The following COL6A5 variants were observed in gnomAD, a reference collection of about 807,000 sequenced individuals.
COL6A5 encodes the protein collagen alpha-5(VI) chain.
Under a neutral mutation model 65.6 loss-of-function variants are expected in COL6A5, and 48 were observed. The ratio of observed to expected loss-of-function variants is 0.73; its 90% confidence interval spans 0.58 to 0.93. COL6A5 has a LOEUF of 0.93. Among genes scored for constraint, COL6A5 ranks in the 40% least tolerant of loss-of-function variants. COL6A5 has a pLI of 0.00. For synonymous variants in COL6A5, 291 were observed against 322.8 expected, an observed-to-expected ratio of 0.90 and a Z score of 1.05; for missense variants, 914 against 928.3, an observed-to-expected ratio of 0.98 and a Z score of 0.20.
chr3:130,399,843 C>G (rs1425682412), intron 10 of COL6A5, among the ~76,000 whole-genome samples: 3 of 152,102 alleles, frequency 2.0e-5, no homozygotes, highest in Admixed American at 1.3e-4. Flanking sequence ...ACCTCTGCCT[C>G]CCAGGTTCAA....
At chr3:130,376,950 G>A (rs1935807169) in intron 3 of COL6A5, 114 bp downstream of exon 3, 1 of 1,213,968 alleles carries the variant, frequency 8.2e-7, no homozygotes, top group African/African-American at 1.5e-5. Context: ...TTGAAGTATT[G>A]GAAACTTCTA....
chr3:130,413,113 C>T (rs930541312), intron 20 of COL6A5, among the ~76,000 whole-genome samples: 20 of 152,066 alleles, frequency 1.3e-4, no homozygotes, highest in Admixed American at 2.0e-4. Context: ...TCCCATTTGG[C>T]TACCCTCTGG....
intron 25 of COL6A5, among the ~76,000 whole-genome samples, chr3:130,420,133 GA>G (rs1314267341): frequency 1.4e-5 from 1 of 72,316 alleles, no homozygotes; most frequent in African/African-American, 3.3e-5. Flanking sequence ...AATCTAAAAG[GA>G]AAGGAAGAAA....
upstream of COL6A5, among the ~76,000 whole-genome samples, chr3:130,430,440 T>C (rs1353278959): frequency 6.6e-6 from 1 of 152,168 alleles, no homozygotes; most frequent in Non-Finnish European, 1.5e-5. Flanking sequence ...TTGAGTGTAA[T>C]ATGCTTTGGG....
chr3:130,415,755 T>C (rs1304791969), intron 23 of COL6A5, 48 bp downstream of exon 23: 2 of 1,412,270 alleles, frequency 1.4e-6, no homozygotes, highest in Admixed American at 5.3e-5. Flanking sequence ...ACAGTTATTT[T>C]CCTCTTAGTG....
At chr3:130,433,311 C>T (rs549779236) in intron 1 of COL6A5, among the ~76,000 whole-genome samples, 1 of 152,304 alleles carries the variant, frequency 6.6e-6, no homozygotes, top group Non-Finnish European at 1.5e-5. Context: ...CTTAATAAGA[C>T]ATCAAATTTA....
intron 1 of COL6A5, among the ~76,000 whole-genome samples, chr3:130,367,912 C>T (rs541671785): frequency 7.2e-5 from 11 of 152,204 alleles, no homozygotes; most frequent in African/African-American, 1.7e-4. Flanking sequence ...AAGCTTCATG[C>T]GTCATGATTG....
At chr3:130,442,958 GAAC>G (rs1214247775) in intron 3 of COL6A5, among the ~76,000 whole-genome samples, 6 of 152,076 alleles carry the variant, frequency 3.9e-5, no homozygotes, top group Non-Finnish European at 8.8e-5. Context: ...AAAATTTATA[GAAC>G]AACATCAGGA....
At chr3:130,441,846 A>C (rs1337010435) in intron 3 of COL6A5, among the ~76,000 whole-genome samples, 2 of 152,182 alleles carry the variant, frequency 1.3e-5, no homozygotes. Context: ...GTTGAGAAAC[A>C]CTTCTCCATA....
chr3:130,413,422 G>A (rs1559888711), intron 20 of COL6A5, 123 bp from the exon 21 acceptor site: 3 of 891,436 alleles, frequency 3.4e-6, no homozygotes, highest in East Asian at 2.7e-5. Context: ...AATGCCTCAG[G>A]GAAACTGTTT....
chr3:130,435,034 T>A lies in COL6A5; in HGVS notation c.487+3085T>A, dbSNP rs553796446. 3.9e-5 allele frequency among the ~76,000 whole-genome samples: 6 copies of A among 152,348 alleles called. No individual in the cohort carries two copies. The East Asian group carries it at 1.2e-3, about 29-fold the overall frequency. ...TTGCCCATGCCTATGTCCTGAATGG[T>A]ATTGCATAGGTTTTCTTCTAGGGTT... On this transcript the variant is annotated intron_variant, in intron 1 of 7. Transcript: ENST00000512836.
At chr3:130,350,189 G>A (rs1934649176) in intron 1 of COL6A5, among the ~76,000 whole-genome samples, 1 of 152,176 alleles carries the variant, frequency 6.6e-6, no homozygotes, top group Non-Finnish European at 1.5e-5. Flanking sequence ...GTATCAGAAT[G>A]TTGGATAGGC....
At chr3:130,471,610 G>A (rs1709953639) in intron 7 of COL6A5, 72 bp from the exon 40 acceptor site, 3 of 1,330,922 alleles carry the variant, frequency 2.3e-6, no homozygotes, top group South Asian at 2.8e-5. Context: ...TATATTATCT[G>A]GTGGTATTCA....
At chr3:130,348,106 T>G (rs138359586) in intron 1 of COL6A5, among the ~76,000 whole-genome samples, 19 of 152,284 alleles carry the variant, frequency 1.2e-4, no homozygotes, top group Middle Eastern at 6.8e-3. Context: ...GGAACCATTC[T>G]TTTTTATTTT....
chr3:130,348,186 A>G (rs1276842866), intron 1 of COL6A5, among the ~76,000 whole-genome samples: 2 of 152,188 alleles, frequency 1.3e-5, no homozygotes, highest in Admixed American at 6.5e-5. Context: ...TACATGTGCC[A>G]TGGTGGTTTA....
chr3:130,366,650 A>G (rs1935351819), intron 1 of COL6A5, among the ~76,000 whole-genome samples: 1 of 152,212 alleles, frequency 6.6e-6, no homozygotes, highest in Non-Finnish European at 1.5e-5. Context: ...GGGCTTTTGT[A>G]TATTTCCTTT....
At chr3:130,436,730 T>C (rs144476766) in intron 1 of COL6A5, among the ~76,000 whole-genome samples, 177 of 152,292 alleles carry the variant, frequency 1.2e-3, no homozygotes, top group African/African-American at 4.1e-3. Context: ...TTCCTGGTTT[T>C]TCTCTTACCT....
intron 6 of COL6A5, 119 bp from the exon 39 acceptor site, chr3:130,470,752 T>C: frequency 1.5e-6 from 1 of 676,628 alleles, no homozygotes; most frequent in Non-Finnish European, 2.6e-6. Flanking sequence ...TTTTGTGAAG[T>C]CCGTTATAAA....
chr3:130,409,954 G>T (rs1227810381), intron 18 of COL6A5, 55 bp from the exon 19 acceptor site: 2 of 1,250,900 alleles, frequency 1.6e-6, no homozygotes, highest in Non-Finnish European at 2.3e-6. Context: ...ATACCGTTTT[G>T]GGGAAAAAGC....
Sources: gnomAD v4.1 joint callset for allele counts (sites outside exome capture counted in the v4.1 genomes callset) on GRCh38, gnomAD v4.1.1 for gene constraint, MANE v1.5 for transcripts, NCBI Gene and HGNC (gene_info 2026-07-23, HGNC 2026-07-21) for gene names.